Variants in MCC observed in about 807,000 individuals in gnomAD.
The protein encoded by MCC is colorectal mutant cancer protein.
Under a neutral mutation model 116.2 loss-of-function variants are expected in MCC, and 90 were observed. That is an observed-to-expected ratio of 0.77 (90% CI 0.65 to 0.92). The LOEUF is 0.92. Among genes scored for constraint, MCC ranks in the 40% least tolerant of loss-of-function variants. The pLI, the probability that MCC is intolerant of heterozygous loss-of-function variation, is 0.00. For missense variants in MCC, 1,516 were observed against 1,312.2 expected, an observed-to-expected ratio of 1.16 and a Z score of -2.40; for synonymous variants, 578 against 510.5, an observed-to-expected ratio of 1.13 and a Z score of -1.78.
intron 11 of MCC, among the ~76,000 whole-genome samples, chr5:113,081,356 G>A (rs1754844488): frequency 6.6e-6 from 1 of 152,168 alleles, no homozygotes; most frequent in Non-Finnish European, 1.5e-5. Context: ...TGCAAAACAG[G>A]ACTACTCTAC....
intron 1 of MCC, among the ~76,000 whole-genome samples, chr5:113,409,095 ACCAGGGG>A (rs1487969011): frequency 6.6e-6 from 1 of 152,188 alleles, no homozygotes; most frequent in Non-Finnish European, 1.5e-5. Flanking sequence ...GAATAGAAGG[ACCAGGGG>A]CCCTGAAGCA....
intron 3 of MCC, among the ~76,000 whole-genome samples, chr5:113,178,379 C>G (rs1275388800): frequency 6.6e-6 from 1 of 151,708 alleles, no homozygotes; most frequent in African/African-American, 2.4e-5. Context: ...GCAAAGGATT[C>G]TGGCCTGTTT....
In MCC at chr5:113,344,073, G is replaced by A. The variant is rs538080871; in HGVS notation, c.416-3343C>T. On this transcript the variant is annotated intron_variant, in intron 2 of 18. Coordinates refer to ENST00000408903, the MANE Select transcript of MCC (RefSeq NM_001085377.2). Reference sequence around the variant, plus strand: ...TTGAATCACCAACACCACTCCTCCCGTACTCTCCAGCAGTGGTTATGTACC... The same window carrying A: ...TTGAATCACCAACACCACTCCTCCCATACTCTCCAGCAGTGGTTATGTACC... Among the ~76,000 whole-genome samples, 16 of 152,194 alleles carry A rather than the reference G, an allele frequency of 1.1e-4. No individual in the cohort carries two copies. The South Asian group carries it at 1.9e-3, about 18-fold the overall frequency.
intron 11 of MCC, among the ~76,000 whole-genome samples, chr5:113,082,483 C>T (rs941278865): frequency 1.3e-5 from 2 of 152,218 alleles, no homozygotes; most frequent in East Asian, 3.8e-4. Context: ...CCACCTGTGA[C>T]CTACTTGCCA....
At chr5:113,371,125 A>G (rs1581433636) in intron 2 of MCC, among the ~76,000 whole-genome samples, 1 of 152,226 alleles carries the variant, frequency 6.6e-6, no homozygotes, top group Middle Eastern at 3.4e-3. Flanking sequence ...GGTGGCTGAG[A>G]CAGGAGAATC....
At chr5:113,466,750 A>G (rs1441093193) in intron 1 of MCC, among the ~76,000 whole-genome samples, 1 of 152,142 alleles carries the variant, frequency 6.6e-6, no homozygotes, top group Non-Finnish European at 1.5e-5. Context: ...ATCCCTGAGG[A>G]ATCGCCACAC....
At chr5:113,348,595 G>C (rs1768188995) in intron 2 of MCC, among the ~76,000 whole-genome samples, 1 of 151,900 alleles carries the variant, frequency 6.6e-6, no homozygotes, top group East Asian at 1.9e-4. Context: ...ACCTACCAAT[G>C]CTTACATCAA....
rs1041769221 is a variant in MCC, at chr5:113,468,962, A to C, written c.170+19283T>G. ...CCATTTCTTCTAGATTTTCTAGTTTATTTGCATAGAGGTGTTTATAGTACT... is the reference window on the plus strand; with the variant it reads ...CCATTTCTTCTAGATTTTCTAGTTTCTTTGCATAGAGGTGTTTATAGTACT... On this transcript the variant is annotated intron_variant, in intron 1 of 18. Transcript: ENST00000408903. 2.0e-4 allele frequency among the ~76,000 whole-genome samples: 30 copies of C among 152,216 alleles called. 1 individual carries two copies. Among genetic ancestry groups the C allele is most frequent in the African/African-American group, 7.2e-4 (30 of 41,540 alleles).
intron 3 of MCC, among the ~76,000 whole-genome samples, chr5:113,221,797 C>T (rs542913085): frequency 9.2e-5 from 14 of 152,130 alleles, no homozygotes; most frequent in South Asian, 6.2e-4. Flanking sequence ...CACTGCCCCC[C>T]GCCCCCACCA....
chr5:113,421,558 C>T (rs954747358), intron 1 of MCC, among the ~76,000 whole-genome samples: 1 of 152,158 alleles, frequency 6.6e-6, no homozygotes, highest in African/African-American at 2.4e-5. Context: ...TTTGTATCCC[C>T]ATCTGTTAAC....
chr5:113,123,241 A>G (rs934366347), intron 5 of MCC, among the ~76,000 whole-genome samples: 1 of 152,230 alleles, frequency 6.6e-6, no homozygotes, highest in Admixed American at 6.5e-5. Flanking sequence ...AGGGGCCCAC[A>G]GGGGCTTCCT....
chr5:113,095,007 G>A (rs565914297), intron 8 of MCC, among the ~76,000 whole-genome samples: 65 of 152,268 alleles, frequency 4.3e-4, no homozygotes, highest in Non-Finnish European at 4.1e-4. Context: ...AGTCTACAGA[G>A]AGGAGGGGAA....
intron 7 of MCC, among the ~76,000 whole-genome samples, chr5:113,102,700 A>T (rs1377206015): frequency 6.6e-6 from 1 of 152,262 alleles, no homozygotes. Flanking sequence ...CATTCTGCTT[A>T]CTCTTATAAA....
At chr5:113,417,040 G>A (rs1287065747) in intron 1 of MCC, among the ~76,000 whole-genome samples, 1 of 149,872 alleles carries the variant, frequency 6.7e-6, no homozygotes, top group Non-Finnish European at 1.5e-5. Context: ...CACGATCTCG[G>A]CTCACTGCAA....
intron 1 of MCC, chr5:113,433,204 G>C (rs913196732): frequency 1.7e-5 from 3 of 178,246 alleles, no homozygotes; most frequent in South Asian, 1.1e-4. Flanking sequence ...GAGAGTGCCC[G>C]CGAGCCCGTG....
chr5:113,277,209 CA>C (rs147857982), intron 3 of MCC, among the ~76,000 whole-genome samples: 21,532 of 145,816 alleles, frequency 0.15, 2,247 homozygotes, highest in African/African-American at 0.27. Flanking sequence ...AAAACACAAA[CA>C]AAAAAAAAAC....
chr5:113,308,769 C>T (rs188080535), intron 3 of MCC, among the ~76,000 whole-genome samples: 2 of 151,198 alleles, frequency 1.3e-5, no homozygotes, highest in East Asian at 1.9e-4. Flanking sequence ...TGCCATGGTA[C>T]TCCAGCCTGG....
chr5:113,049,642 T>C (rs896147533), intron 15 of MCC, among the ~76,000 whole-genome samples: 6 of 152,170 alleles, frequency 3.9e-5, no homozygotes, highest in African/African-American at 1.4e-4. Flanking sequence ...GGAAACCCAT[T>C]CTCTGGTCTG....
intron 17 of MCC, among the ~76,000 whole-genome samples, chr5:113,036,066 C>A (rs1751314110): frequency 1.8e-5 from 2 of 114,188 alleles, no homozygotes; most frequent in African/African-American, 6.9e-5. Flanking sequence ...GATGGAGTCT[C>A]ACTCTTTCGC....
Sources: allele counts gnomAD v4.1 joint callset (sites outside exome capture counted in the v4.1 genomes callset), GRCh38; gene constraint gnomAD v4.1.1; transcripts MANE v1.5; gene names NCBI Gene and HGNC (gene_info 2026-07-23, HGNC 2026-07-21).